Variants in SORCS2 observed in about 807,000 individuals in gnomAD.
SORCS2 encodes the protein sortilin related VPS10 domain containing receptor 2.
SORCS2 carries 100 observed loss-of-function variants against 141.6 expected under a neutral mutation model. That is an observed-to-expected ratio of 0.71 (90% CI 0.60 to 0.83). The LOEUF (loss-of-function observed/expected upper bound fraction) is 0.83, where lower values mean the gene tolerates loss of function less well. SORCS2 is among the 40% of genes least tolerant of loss of function. The probability of loss-of-function intolerance (pLI) is 0.00; values close to 1 mark genes in which losing one functional copy is unlikely to be tolerated. For missense variants in SORCS2, 1,646 were observed against 1,560.2 expected, an observed-to-expected ratio of 1.05 and a Z score of -0.93; for synonymous variants, 789 against 676.9, an observed-to-expected ratio of 1.17 and a Z score of -2.57.
intron 3 of SORCS2, among the ~76,000 whole-genome samples, chr4:7,595,224 G>A (rs1435165977): frequency 2.6e-5 from 4 of 152,158 alleles, no homozygotes; most frequent in Non-Finnish European, 5.9e-5. Flanking sequence ...AGCAACAGAG[G>A]AAGAGAGGCA....
At chr4:7,387,986 GCACACATGCA>G (rs201812014) in intron 1 of SORCS2, among the ~76,000 whole-genome samples, 76 of 131,606 alleles carry the variant, frequency 5.8e-4, no homozygotes, top group African/African-American at 2.0e-3. Context: ...AGATACACAT[GCACACATGCA>G]CACACATGCA....
chr4:7,453,248 G>C (rs1359232118), intron 2 of SORCS2, among the ~76,000 whole-genome samples: 3 of 124,924 alleles, frequency 2.4e-5, no homozygotes, highest in African/African-American at 3.2e-5. Context: ...GTTGGGGTCA[G>C]GTGCTGTGTT....
intron 1 of SORCS2, among the ~76,000 whole-genome samples, chr4:7,252,978 C>G (rs1006398694): frequency 1.3e-5 from 2 of 152,272 alleles, no homozygotes; most frequent in African/African-American, 4.8e-5. Flanking sequence ...ACTGTCCCAG[C>G]TCAGAGCCAG....
rs1316519725 is a variant in SORCS2, at chr4:7,664,638, A to G, written c.1071+167A>G. On this transcript the variant is annotated intron_variant, in intron 7 of 26. Transcript: ENST00000507866. The surrounding 1 kb of genome is among the most constrained non-coding windows in gnomAD (Gnocchi z 4.7). The stretch of plus-strand genomic sequence containing the variant: ...TCTGACCGTGGCTGTGGCTGCAGCC[A>G]TCCACAGAAGCCCTCGCAAGCCCAG... 1.3e-5 allele frequency among the ~76,000 whole-genome samples: 2 copies of G among 152,188 alleles called. No individual in the cohort carries two copies. Among genetic ancestry groups the G allele is most frequent in the African/African-American group, 4.8e-5 (2 of 41,446 alleles).
At chr4:7,246,424 A>G (rs1560137590) in intron 1 of SORCS2, among the ~76,000 whole-genome samples, 1 of 151,292 alleles carries the variant, frequency 6.6e-6, no homozygotes, top group Non-Finnish European at 1.5e-5. Flanking sequence ...CACACATCTC[A>G]CTCGGGGCTT....
rs141585287 is a variant in SORCS2, at chr4:7,255,466, G to A, written c.480+62340G>A. Among the ~76,000 whole-genome samples the A allele has an allele frequency of 6.5e-3, 986 of 152,298 alleles. 4 individuals are homozygous for A. Among genetic ancestry groups the A allele is most frequent in the Non-Finnish European group, 0.01 (703 of 68,014 alleles). On this transcript the variant is annotated intron_variant, in intron 1 of 26. Transcript: ENST00000507866. ...GTGGGAGGCAGGAATGGGAGATGGC[G>A]TTGGAGAGAGGGTGTGCTGGGGAGG...
In SORCS2 at chr4:7,598,342, C is replaced by G. The variant is rs143427378; in HGVS notation, c.649-39986C>G. On this transcript the variant is annotated intron_variant, in intron 3 of 26. Transcript: ENST00000507866. ...TTGTCCTAGGCTGCCCGATGATGCCCCAGAGAGGTTCCGTGCTTCTGAGAG... is the reference window on the plus strand; with the variant it reads ...TTGTCCTAGGCTGCCCGATGATGCCGCAGAGAGGTTCCGTGCTTCTGAGAG... Among the ~76,000 whole-genome samples, 988 of 152,270 alleles carry G rather than the reference C, an allele frequency of 6.5e-3. 5 individuals are homozygous for G. Among genetic ancestry groups the G allele is most frequent in the Non-Finnish European group, 0.011 (736 of 68,024 alleles).
intron 3 of SORCS2, among the ~76,000 whole-genome samples, chr4:7,541,879 G>A (rs556818527): frequency 6.6e-6 from 1 of 152,348 alleles, no homozygotes; most frequent in East Asian, 1.9e-4. Context: ...CAACTGTTTT[G>A]ATTCCAGGAC....
Position 7,192,811 on chromosome 4 carries a change from C to T in SORCS2, c.165C>T (p.Pro55=). The T allele has an allele frequency of 2.0e-6, 2 of 1,025,530 alleles. No individual in the cohort carries two copies. Among genetic ancestry groups the T allele is most frequent in the South Asian group, 8.9e-5 (2 of 22,568 alleles). The allele number at this position is 1,025,530 out of a possible 1,614,324, so 63.5% of individuals were successfully genotyped here. ...ACGAAGRSPE[P]GRLGPHAQLT... ...GGGCGGCGGGGCGCTCCCCTGAGCC[C>T]GGGCGCCTGGGTCCTCACGCCCAAC... Residue 55 remains proline, a synonymous_variant, in exon 1 of 27, where the codon CCC becomes CCT. Transcript: ENST00000507866. This position sits in a 1 kb window ranked among gnomAD's most constrained non-coding sequence, Gnocchi z 4.0.
intron 8 of SORCS2, among the ~76,000 whole-genome samples, chr4:7,667,710 A>T (rs1304518111): frequency 6.6e-6 from 1 of 152,178 alleles, no homozygotes; most frequent in Non-Finnish European, 1.5e-5. Context: ...GGCATATAGT[A>T]GGTGCTCAGT....
chr4:7,517,455 AT>A (rs1366625557), intron 2 of SORCS2, among the ~76,000 whole-genome samples: 4 of 152,028 alleles, frequency 2.6e-5, no homozygotes, highest in Admixed American at 2.6e-4. Context: ...TGTCTTGGGC[AT>A]TTTTTCCTTC....
At chr4:7,367,020 C>T (rs540450158) in intron 1 of SORCS2, among the ~76,000 whole-genome samples, 8 of 152,310 alleles carry the variant, frequency 5.3e-5, no homozygotes, top group South Asian at 2.1e-4. Context: ...CTTCCCAAGC[C>T]GGCTGCCCCA....
intron 2 of SORCS2, among the ~76,000 whole-genome samples, chr4:7,404,335 ATTTCT>A (rs1179841903): frequency 6.6e-6 from 1 of 151,966 alleles, no homozygotes; most frequent in Non-Finnish European, 1.5e-5. Context: ...TGATATCCTA[ATTTCT>A]TTTCCCTTTT....
intron 2 of SORCS2, among the ~76,000 whole-genome samples, chr4:7,422,028 G>A (rs987239281): frequency 6.6e-6 from 1 of 152,116 alleles, no homozygotes; most frequent in Non-Finnish European, 1.5e-5. Context: ...GAACCACACC[G>A]GTGCAGTCCA....
intron 1 of SORCS2, among the ~76,000 whole-genome samples, chr4:7,305,291 A>G (rs940380393): frequency 6.6e-6 from 1 of 151,318 alleles, no homozygotes; most frequent in Non-Finnish European, 1.5e-5. Flanking sequence ...TCGGCCTCCC[A>G]AAGTGCTGGG....
intron 3 of SORCS2, among the ~76,000 whole-genome samples, chr4:7,589,298 T>A (rs770981509): frequency 2.3e-4 from 35 of 152,216 alleles, no homozygotes; most frequent in Non-Finnish European, 4.7e-4. Flanking sequence ...ATAGAACATA[T>A]GGTATTTGGT....
rs773340532 is a variant in SORCS2, at chr4:7,714,293, G to A, written c.2043G>A (p.Thr681=). ...QQRSFRKRKS[T]SWCIKGRSFT... ...GAAGTTTCCGGAAAAGAAAGTCCAC[G>A]TCCTGGTGCATCAAGGGGAGGAGCT... The change falls in exon 16 of 27, where the codon ACG becomes ACA. Residue 681 remains threonine (T), a synonymous_variant. Transcript: ENST00000507866. 79 of 1,607,094 alleles carry A rather than the reference G, an allele frequency of 4.9e-5. No individual in the cohort carries two copies. The highest frequency in any genetic ancestry group is 9.0e-5 in the South Asian group (8 of 89,062).
At chr4:7,696,150 G>A (rs1724693810) in intron 11 of SORCS2, among the ~76,000 whole-genome samples, 1 of 152,176 alleles carries the variant, frequency 6.6e-6, no homozygotes, top group Admixed American at 6.5e-5. Flanking sequence ...TTCTAAACTT[G>A]ACCCTGGATA....
chr4:7,707,415 G>C (rs1293893360), intron 14 of SORCS2, among the ~76,000 whole-genome samples: 1 of 152,222 alleles, frequency 6.6e-6, no homozygotes, highest in Non-Finnish European at 1.5e-5. Flanking sequence ...TGGGAAACCA[G>C]GTTTCGGGAA....
Sources: allele counts gnomAD v4.1 joint callset (sites outside exome capture counted in the v4.1 genomes callset), GRCh38; gene constraint gnomAD v4.1.1; non-coding constraint Gnocchi (gnomAD v3.1); transcripts MANE v1.5; gene names NCBI Gene and HGNC (gene_info 2026-07-23, HGNC 2026-07-21).